CLSTN2: variants seen among roughly 807,000 people sequenced by gnomAD.
CLSTN2 encodes the protein calsyntenin 2, also known as calsyntenin-2.
Under a neutral mutation model 101.2 loss-of-function variants are expected in CLSTN2, and 48 were observed. The ratio of observed to expected loss-of-function variants is 0.47; its 90% CI spans 0.38 to 0.60. The LOEUF (loss-of-function observed/expected upper bound fraction) is 0.60. Among genes scored for constraint, CLSTN2 ranks in the 20% least tolerant of loss-of-function variants. The probability of loss-of-function intolerance (pLI) is 0.00; values close to 1 mark genes in which losing one functional copy is unlikely to be tolerated. For synonymous variants in CLSTN2, 481 were observed against 463.6 expected, an observed-to-expected ratio of 1.04 and a Z score of -0.48; for missense variants, 1,160 against 1,238.2, an observed-to-expected ratio of 0.94 and a Z score of 0.95.
intron 15 of CLSTN2, 79 bp downstream of exon 15, chr3:140,563,282 T>C (rs550055745): frequency 4.6e-6 from 7 of 1,520,206 alleles, no homozygotes; most frequent in South Asian, 1.2e-5. Flanking sequence ...CAGACGGTTA[T>C]GTTGTAGCAA....
At chr3:140,508,169 T>A (rs1934721200) in intron 8 of CLSTN2, 2 of 152,376 alleles carry the variant, frequency 1.3e-5, no homozygotes, top group South Asian at 2.1e-4. Flanking sequence ...CTTCTCCCCA[T>A]GGGGCCCTCA....
intron 1 of CLSTN2, among the ~76,000 whole-genome samples, chr3:140,006,142 G>A (rs1297543302): frequency 2.0e-5 from 3 of 152,188 alleles, no homozygotes; most frequent in Non-Finnish European, 4.4e-5. Flanking sequence ...TTTCTCAGTG[G>A]AGTTTCCATG....
chr3:140,440,494 A>T (rs1361985252), intron 5 of CLSTN2, among the ~76,000 whole-genome samples: 2 of 152,196 alleles, frequency 1.3e-5, no homozygotes, highest in African/African-American at 4.8e-5. Flanking sequence ...TAATTGGAGA[A>T]GAAAAAGCCA....
At chr3:140,526,075 A>C (rs1006522720) in intron 8 of CLSTN2, among the ~76,000 whole-genome samples, 19 of 152,210 alleles carry the variant, frequency 1.2e-4, no homozygotes, top group African/African-American at 4.1e-4. Context: ...AGTCCTAGTC[A>C]GAGCAATTAG....
chr3:140,184,031 G>A (rs913640718), intron 2 of CLSTN2, among the ~76,000 whole-genome samples: 23 of 152,136 alleles, frequency 1.5e-4, no homozygotes, highest in Admixed American at 3.3e-4. Flanking sequence ...AGCTCTGCTC[G>A]TCTGAGCCAG....
At chr3:140,142,448 T>C (rs1398536118) in intron 1 of CLSTN2, among the ~76,000 whole-genome samples, 1 of 152,044 alleles carries the variant, frequency 6.6e-6, no homozygotes, top group African/African-American at 2.4e-5. Context: ...TGTGAGGGGG[T>C]AGATTGTCCA....
At chr3:140,378,058 T>C (rs961144351) in intron 2 of CLSTN2, among the ~76,000 whole-genome samples, 5 of 152,240 alleles carry the variant, frequency 3.3e-5, no homozygotes, top group African/African-American at 1.2e-4. Flanking sequence ...CAGTATTCAA[T>C]ACAGTAATTT....
intron 1 of CLSTN2, among the ~76,000 whole-genome samples, chr3:139,952,307 T>C (rs1935308613): frequency 6.6e-6 from 1 of 152,218 alleles, no homozygotes; most frequent in Non-Finnish European, 1.5e-5. Flanking sequence ...GATGATGGGC[T>C]ATGAATTTTA....
intron 4 of CLSTN2, among the ~76,000 whole-genome samples, chr3:140,409,380 C>A (rs973541311): frequency 1.3e-5 from 2 of 152,190 alleles, no homozygotes; most frequent in South Asian, 4.1e-4. Context: ...ACAGCCTTTG[C>A]CACACCAAGG....
chr3:140,085,507 G>A (rs1035695317), intron 1 of CLSTN2, among the ~76,000 whole-genome samples: 2 of 152,184 alleles, frequency 1.3e-5, no homozygotes, highest in African/African-American at 4.8e-5. Flanking sequence ...GGAGAGGCCA[G>A]TTGGGCTGTG....
chr3:140,203,082 C>T (rs933749635), intron 2 of CLSTN2, among the ~76,000 whole-genome samples: 13 of 152,122 alleles, frequency 8.5e-5, no homozygotes, highest in African/African-American at 3.1e-4. Flanking sequence ...AGTACCCTCC[C>T]CTCCCAAATT....
At chr3:140,392,494 C>G (rs77124373) in intron 2 of CLSTN2, among the ~76,000 whole-genome samples, 9,670 of 152,040 alleles carry the variant, frequency 0.064, 692 homozygotes, top group African/African-American at 0.18. Context: ...AAACATACTT[C>G]AAAGTTTTCC....
At chr3:139,941,460 G>A (rs1935126227) in intron 1 of CLSTN2, among the ~76,000 whole-genome samples, 1 of 152,124 alleles carries the variant, frequency 6.6e-6, no homozygotes, top group Admixed American at 6.6e-5. Context: ...AAAGATAAAA[G>A]CAAGTTCCAA....
intron 5 of CLSTN2, among the ~76,000 whole-genome samples, chr3:140,430,395 T>C (rs960433430): frequency 1.3e-5 from 2 of 152,210 alleles, no homozygotes; most frequent in Admixed American, 1.3e-4. Context: ...GGTTTTTACA[T>C]TTTAAATCAT....
intron 1 of CLSTN2, among the ~76,000 whole-genome samples, chr3:139,944,412 G>T (rs1043572688): frequency 1.3e-5 from 2 of 152,226 alleles, no homozygotes; most frequent in African/African-American, 4.8e-5. Context: ...TCTATGTGAA[G>T]CTCTCCAGTA....
At chr3:140,556,728 CT>C in intron 11 of CLSTN2, 67 bp downstream of exon 11, 1 of 1,507,946 alleles carries the variant, frequency 6.6e-7, no homozygotes, top group Non-Finnish European at 9.1e-7. Flanking sequence ...ACTGAGGTCC[CT>C]TGGGAATGTT....
intron 2 of CLSTN2, among the ~76,000 whole-genome samples, chr3:140,305,021 G>GACAC (rs1413792527): frequency 1.2e-4 from 14 of 115,604 alleles, no homozygotes; most frequent in Admixed American, 4.4e-4. Context: ...CACACACACA[G>GACAC]AGACACACAC....
In CLSTN2 at chr3:140,006,105, A is replaced by G. The variant is rs115447510; in HGVS notation, c.109+70622A>G. 1.4e-3 allele frequency among the ~76,000 whole-genome samples: 214 copies of G among 152,356 alleles called. 1 individual carries two copies. Among genetic ancestry groups the G allele is most frequent in the African/African-American group, 4.9e-3 (202 of 41,580 alleles). On this transcript the variant is annotated intron_variant, in intron 1 of 16. Coordinates refer to ENST00000458420, the MANE Select transcript of CLSTN2 (RefSeq NM_022131.3). ...ACATGTTCTTGGAAAAAGAGCTTCC[A>G]GTTTAATCCACATTGAGGTTTTGTG...
At chr3:140,444,015 T>C (rs1933021907) in intron 5 of CLSTN2, among the ~76,000 whole-genome samples, 1 of 152,220 alleles carries the variant, frequency 6.6e-6, no homozygotes, top group Admixed American at 6.5e-5. Context: ...CTGACAATAC[T>C]TCTTGATCTT....
Sources: gnomAD v4.1 joint callset for allele counts (sites outside exome capture counted in the v4.1 genomes callset) on GRCh38, gnomAD v4.1.1 for gene constraint, MANE v1.5 for transcripts, NCBI Gene and HGNC (gene_info 2026-07-23, HGNC 2026-07-21) for gene names.